Variants in NSMCE2 observed in about 807,000 individuals in gnomAD.
NSMCE2 encodes the protein E3 SUMO-protein ligase NSE2.
In NSMCE2, 24 loss-of-function variants were observed where a neutral mutation model predicts 23.8. The ratio of observed to expected loss-of-function variants is 1.01; its 90% confidence interval spans 0.73 to 1.42. The LOEUF (loss-of-function observed/expected upper bound fraction) is 1.42, where lower values mean the gene tolerates loss of function less well. NSMCE2 is among the 40% of genes most tolerant of loss of function. The pLI is 0.00. For synonymous variants in NSMCE2, 92 were observed against 94.1 expected, an observed-to-expected ratio of 0.98 and a Z score of 0.13; for missense variants, 284 against 296.5, an observed-to-expected ratio of 0.96 and a Z score of 0.31.
At chr8:125,102,525 G>C (rs1216789733) in intron 3 of NSMCE2, 38 bp downstream of exon 3, 1 of 1,555,256 alleles carries the variant, frequency 6.4e-7, no homozygotes, top group Admixed American at 1.7e-5. Context: ...TCTACTTTGA[G>C]GTAACACTGT....
At chr8:125,240,714 A>AT (rs145704600) in intron 5 of NSMCE2, among the ~76,000 whole-genome samples, 15,339 of 149,140 alleles carry the variant, frequency 0.1, 1,096 homozygotes, top group African/African-American at 0.2. Context: ...TGTAATGGTT[A>AT]TTTTTTTTTT....
chr8:125,268,368 GAGAA>G (rs1827031939), intron 5 of NSMCE2, among the ~76,000 whole-genome samples: 1 of 152,056 alleles, frequency 6.6e-6, no homozygotes, highest in Non-Finnish European at 1.5e-5. Context: ...TCGTTTGAAG[GAGAA>G]AGAAGTTAAA....
chr8:125,195,436 T>TACAA (rs1823568819), intron 5 of NSMCE2, among the ~76,000 whole-genome samples: 1 of 152,214 alleles, frequency 6.6e-6, no homozygotes, highest in Admixed American at 6.5e-5. Context: ...GGAGGATCCA[T>TACAA]ACAAACATAT....
chr8:125,142,344 T>C (rs566257315), intron 3 of NSMCE2, among the ~76,000 whole-genome samples: 1 of 152,188 alleles, frequency 6.6e-6, no homozygotes, highest in Non-Finnish European at 1.5e-5. Context: ...TGTAATTTCA[T>C]AAAGCCTAGA....
intron 5 of NSMCE2, among the ~76,000 whole-genome samples, chr8:125,257,984 T>G (rs1353673611): frequency 6.6e-6 from 1 of 152,088 alleles, no homozygotes; most frequent in Non-Finnish European, 1.5e-5. Flanking sequence ...AATACGTAAA[T>G]ACTTTTATGA....
intron 5 of NSMCE2, among the ~76,000 whole-genome samples, chr8:125,339,052 T>C (rs543810713): frequency 2.6e-5 from 4 of 152,314 alleles, no homozygotes; most frequent in African/African-American, 7.2e-5. Flanking sequence ...CTGTTCTATG[T>C]TGGTAATTCA....
intron 5 of NSMCE2, among the ~76,000 whole-genome samples, chr8:125,303,774 G>A (rs1181595557): frequency 6.6e-6 from 1 of 152,160 alleles, no homozygotes; most frequent in Non-Finnish European, 1.5e-5. Flanking sequence ...AAGATGACAG[G>A]GATGAATGAT....
chr8:125,339,992 C>T (rs1441399299), intron 5 of NSMCE2, among the ~76,000 whole-genome samples: 1 of 150,498 alleles, frequency 6.6e-6, no homozygotes, highest in Admixed American at 6.7e-5. Context: ...CATAAGCCTC[C>T]GACGTTGTAG....
chr8:125,254,748 C>G (rs1217587100), intron 5 of NSMCE2, among the ~76,000 whole-genome samples: 2 of 152,042 alleles, frequency 1.3e-5, no homozygotes. Context: ...TGGAATCAAC[C>G]TCCTTGGTGC....
chr8:125,138,012 G>T (rs1820158583), intron 3 of NSMCE2, among the ~76,000 whole-genome samples: 1 of 152,178 alleles, frequency 6.6e-6, no homozygotes, highest in African/African-American at 2.4e-5. Context: ...ATGTGTCACA[G>T]AAAATCAGGG....
chr8:125,197,232 T>C (rs567983005), intron 5 of NSMCE2, among the ~76,000 whole-genome samples: 11 of 152,372 alleles, frequency 7.2e-5, no homozygotes, highest in African/African-American at 2.4e-4. Flanking sequence ...TTGGCTTTTG[T>C]TTCCATTGCT....
chr8:125,332,054 A>G (rs1265561243), intron 5 of NSMCE2, among the ~76,000 whole-genome samples: 1 of 152,212 alleles, frequency 6.6e-6, no homozygotes, highest in Non-Finnish European at 1.5e-5. Flanking sequence ...TGCTGATATG[A>G]AGCCCACAGC....
chr8:125,353,299 C>T (rs534735239), intron 5 of NSMCE2, among the ~76,000 whole-genome samples: 14 of 152,258 alleles, frequency 9.2e-5, no homozygotes, highest in African/African-American at 3.4e-4. Context: ...CTTAAACACA[C>T]GATCAGAAAT....
intron 5 of NSMCE2, among the ~76,000 whole-genome samples, chr8:125,285,205 A>C (rs1346264478): frequency 6.6e-6 from 1 of 152,252 alleles, no homozygotes; most frequent in Non-Finnish European, 1.5e-5. Context: ...AGCAAACTTG[A>C]AATATAACTG....
At chr8:125,242,667 A>G (rs905613845) in intron 5 of NSMCE2, among the ~76,000 whole-genome samples, 1 of 152,148 alleles carries the variant, frequency 6.6e-6, no homozygotes, top group African/African-American at 2.4e-5. Flanking sequence ...GGAGCTAGAG[A>G]CCTGGGTGAA....
At chr8:125,289,339 T>C (rs957456101) in intron 5 of NSMCE2, among the ~76,000 whole-genome samples, 2 of 152,186 alleles carry the variant, frequency 1.3e-5, no homozygotes, top group Non-Finnish European at 2.9e-5. Flanking sequence ...CTCCCATCTT[T>C]GCGTTTGAAC....
chr8:125,301,864 G>A (rs1025314650), intron 5 of NSMCE2, among the ~76,000 whole-genome samples: 19 of 152,074 alleles, frequency 1.2e-4, no homozygotes, highest in South Asian at 1.2e-3. Flanking sequence ...GGGTTTCGCC[G>A]TGTTGGCCAG....
In NSMCE2 at chr8:125,297,130, TCA is replaced by T. The variant is rs998862048; in HGVS notation, c.419-60083_419-60082del. Among the ~76,000 whole-genome samples the T allele has an allele frequency of 2.8e-3, 425 of 152,334 alleles. 4 individuals are homozygous for T. The highest frequency in any genetic ancestry group is 9.7e-3 in the African/African-American group (404 of 41,578). On this transcript the variant is annotated intron_variant, in intron 5 of 7. Transcript: ENST00000287437. ...TGAATTCGTAACATCTCTGTCATAATCACACACCCATTTTTAACAACCTGTAT... is the reference window on the plus strand; with the variant it reads ...TGAATTCGTAACATCTCTGTCATAATCACACCCATTTTTAACAACCTGTAT...
chr8:125,116,930 C>T (rs1432757600), intron 3 of NSMCE2, among the ~76,000 whole-genome samples: 1 of 149,830 alleles, frequency 6.7e-6, no homozygotes, highest in Non-Finnish European at 1.5e-5. Flanking sequence ...CTCTGTCACC[C>T]ACTCTGGTGG....
Sources: allele counts gnomAD v4.1 joint callset (sites outside exome capture counted in the v4.1 genomes callset), GRCh38; gene constraint gnomAD v4.1.1; transcripts MANE v1.5; gene names NCBI Gene and HGNC (gene_info 2026-07-23, HGNC 2026-07-21).